WNK2: variants seen among roughly 807,000 people sequenced by gnomAD.
WNK2 encodes the protein serine/threonine-protein kinase WNK2.
A neutral mutation model predicts 192.1 loss-of-function variants in WNK2; 67 were observed. That is an observed-to-expected ratio of 0.35 (90% CI 0.29 to 0.43). The LOEUF is 0.43. Among genes scored for constraint, WNK2 ranks in the 20% least tolerant of loss-of-function variants. The probability of loss-of-function intolerance (pLI) is 1.00; values close to 1 mark genes in which losing one functional copy is unlikely to be tolerated. For synonymous variants in WNK2, 1,439 were observed against 1,393.9 expected (o/e 1.03, Z -0.72); for missense variants, 2,698 against 3,089.7 (o/e 0.87, Z 3.01).
At chr9:93,253,227 C>G in intron 9 of WNK2, 145 bp downstream of exon 9, 1 of 694,952 alleles carries the variant, frequency 1.4e-6, no homozygotes, top group Non-Finnish European at 2.0e-6. Context: ...AGTGTCCAGC[C>G]ACACTTCCCC....
At chr9:93,306,656 C>G (rs938421401) in intron 26 of WNK2, 121 bp from the exon 27 acceptor site, 142 of 1,293,444 alleles carry the variant, frequency 1.1e-4, no homozygotes, top group Non-Finnish European at 1.5e-4. Context: ...TCTCTCTGAA[C>G]TGCTGCCTGT....
Position 93,229,606 on chromosome 9 carries a change from C to A in WNK2, c.682-90C>A. 6.9e-7 allele frequency: 1 copy of A among 1,443,406 alleles called. No homozygotes were observed. The highest frequency in any genetic ancestry group is 1.4e-5 in the South Asian group (1 of 73,950). The allele number at this position is 1,443,406 out of a possible 1,614,324, so 89.4% of individuals were successfully genotyped here. ...GCCTGTGGGTATGGGAAGGGCTGGT[C>A]CTACTGTGTGGCGCTGCTGGGATGT... On this transcript the variant is annotated intron_variant, in intron 2 of 29. Transcript: ENST00000427277. The surrounding 1 kb of genome is among the most constrained non-coding windows in gnomAD (Gnocchi z 4.9).
rs181643374 is a variant in WNK2, at chr9:93,209,974, C to T, written c.682-19722C>T. On this transcript the variant is annotated intron_variant, in intron 2 of 29. Coordinates refer to ENST00000427277, the MANE Select transcript of WNK2 (RefSeq NM_006648.4). ...CACCAAGATCATGACCTCTCTGTGG[C>T]CTGGGAGAGATGGAAGATGCATTTC... Among the ~76,000 whole-genome samples the T allele has an allele frequency of 1.2e-4, 18 of 152,270 alleles. No individual in the cohort carries two copies. The East Asian group carries it at 3.5e-3, about 29-fold the overall frequency.
In WNK2 at chr9:93,268,616, C is replaced by T. The variant is rs1438612144; in HGVS notation, c.3914-11C>T. 6.2e-7 allele frequency: 1 copy of T among 1,607,734 alleles called. No homozygotes were observed. The highest frequency in any genetic ancestry group is 2.2e-5 in the East Asian group (1 of 44,506). The stretch of plus-strand genomic sequence containing the variant: ...ACTCACTCAGCGTGCTGTTTCTGTT[C>T]TGCCCTTCAGTCCTGCACACCGGGA... On this transcript the variant is annotated splice_polypyrimidine_tract_variant and intron_variant, in intron 18 of 29. Transcript: ENST00000427277.
intron 26 of WNK2, chr9:93,306,495 T>C (rs1852572623): frequency 4.5e-6 from 2 of 442,490 alleles, no homozygotes; most frequent in Non-Finnish European, 7.9e-6. Context: ...TTCTTTCTCT[T>C]TTACTTTTCT....
rs537811306 is a variant in WNK2, at chr9:93,289,096, C to T, written c.4342C>T (p.Pro1448Ser). Residue 1448 changes from proline (P) to serine (S), a missense_variant, in exon 20 of 30, where the codon CCC becomes TCC. Around this residue, in one of 7 missense-constraint regions of WNK2, gnomAD observed 1,098 missense variants for 1,101.0 expected, o/e 1.00. Transcript: ENST00000427277. ...ETHEAPLAVQ[P>S]LVVGLAPCTP... is the part of the protein sequence containing the mutation. ...TCACGAGGCCCCGCTTGCTGTGCAG[C>T]CCCTCGTGGTGGGCCTAGCACCTTG... The T allele has an allele frequency of 1.9e-6, 3 of 1,608,272 alleles. No individual in the cohort carries two copies. In the South Asian group the frequency reaches 3.3e-5, roughly 18 times the overall value.
At chr9:93,268,944 C>T (rs764220448) in intron 19 of WNK2, 198 bp downstream of exon 19, 1 of 1,552,246 alleles carries the variant, frequency 6.4e-7, no homozygotes, top group South Asian at 1.2e-5. Flanking sequence ...GTCAAAGCAG[C>T]CTCCAGGTTT....
At chr9:93,262,207 C>T in intron 13 of WNK2, 100 bp downstream of exon 13, 1 of 1,414,574 alleles carries the variant, frequency 7.1e-7, no homozygotes, top group Non-Finnish European at 9.4e-7. Context: ...GTCGGGGTTG[C>T]TTAGCTCTGG....
intron 14 of WNK2, chr9:93,263,272 G>A (rs1000748982): frequency 1.6e-5 from 8 of 505,454 alleles, no homozygotes; most frequent in African/African-American, 1.2e-4. Context: ...GCACAGATGG[G>A]GAAACTGAGG....
chr9:93,194,673 T>C (rs1830912881), intron 2 of WNK2, among the ~76,000 whole-genome samples: 1 of 152,228 alleles, frequency 6.6e-6, no homozygotes, highest in African/African-American at 2.4e-5. Context: ...AAACACACTC[T>C]TACTATGCAA....
At chr9:93,249,907 ATTT>A (rs58293954) in intron 8 of WNK2, among the ~76,000 whole-genome samples, 3 of 85,442 alleles carry the variant, frequency 3.5e-5, no homozygotes, top group South Asian at 5.1e-4. Context: ...GATGCTACCA[ATTT>A]TTTTTTTTTT....
Position 93,293,142 on chromosome 9 carries a change from A to T in WNK2, c.5677A>T (p.Ile1893Leu). Residue 1893 changes from isoleucine to leucine, a missense_variant, in exon 23 of 30, where the codon ATA (isoleucine) becomes TTA (leucine). Around this residue, in one of 7 missense-constraint regions of WNK2, gnomAD observed 1,098 missense variants for 1,101.0 expected, o/e 1.00. Transcript: ENST00000427277. ...TGATTCGGAGCTCGAGGATGCTGAC[A>T]TAAAGAAGGAGCTGCAGAGTCTGCG... ...DNDSELEDADIKKELQSLREK... is the reference protein window; with the variant it reads ...DNDSELEDADLKKELQSLREK... The T allele has an allele frequency of 1.9e-6, 3 of 1,561,714 alleles. No individual in the cohort carries two copies. Among genetic ancestry groups the T allele is most frequent in the Middle Eastern group, 3.4e-4 (2 of 5,858 alleles).
In WNK2 at chr9:93,290,006, G is replaced by A. The variant is rs370635742; in HGVS notation, c.4895G>A (p.Arg1632Gln). The A allele has an allele frequency of 1.5e-5, 23 of 1,578,318 alleles. No homozygotes were observed. Among genetic ancestry groups the A allele is most frequent in the Middle Eastern group, 1.7e-4 (1 of 5,870 alleles). The change falls in exon 21 of 30, where the codon CGA becomes CAA. Residue 1632 changes from arginine (R) to glutamine (Q), a missense_variant. By Grantham distance (43) the Arg-to-Gln change is conservative (BLOSUM62 1). Coordinates refer to ENST00000427277, the MANE Select transcript of WNK2 (RefSeq NM_006648.4). ...LVEKSELAPT[R>Q]GAVMEQGTSS... ...GAGAAGTCAGAACTGGCCCCCACTC[G>A]AGGGGCCGTGATGGAGCAGGGCACG... is the stretch of plus-strand genomic sequence containing the variant.
chr9:93,214,698 C>G (rs1490077093), intron 2 of WNK2, among the ~76,000 whole-genome samples: 572 of 13,434 alleles, frequency 0.043, 12 homozygotes, highest in African/African-American at 0.19. Flanking sequence ...GAAGGTAGTG[C>G]CCCCCCCCCC....
At chr9:93,268,875 T>A (rs1176842453) in intron 19 of WNK2, 129 bp downstream of exon 19, 1 of 1,573,078 alleles carries the variant, frequency 6.4e-7, no homozygotes, top group Admixed American at 1.8e-5. Context: ...CTGTCTCCCA[T>A]GGCGCAGAGC....
Position 93,256,343 on chromosome 9 carries a change from G to T in WNK2, c.2079G>T (p.Pro693=), listed in dbSNP as rs769408272. The change falls in exon 10 of 30, where the codon CCG becomes CCT. Residue 693 remains proline, a synonymous_variant. Coordinates refer to ENST00000427277, the MANE Select transcript of WNK2 (RefSeq NM_006648.4). ...VGSVPAPACP[P]SLQQHFPDPA... ...CTGTCCCGGCCCCCGCCTGCCCTCC[G>T]TCCCTCCAGCAGCACTTCCCGGATC... 6 of 1,584,150 alleles carry T rather than the reference G, an allele frequency of 3.8e-6. No homozygotes were observed. The highest frequency in any genetic ancestry group is 5.1e-6 in the Non-Finnish European group (6 of 1,171,754).
intron 2 of WNK2, among the ~76,000 whole-genome samples, chr9:93,190,117 CACCATGCTG>C (rs569158817): frequency 2.2e-3 from 329 of 152,344 alleles, no homozygotes; most frequent in Non-Finnish European, 3.4e-3. Context: ...ATGTTTTCTG[CACCATGCTG>C]ACCATGGTTT....
intron 11 of WNK2, 47 bp from the exon 12 acceptor site, chr9:93,258,884 G>T (rs374688061): frequency 6.5e-7 from 1 of 1,542,154 alleles, no homozygotes; most frequent in Non-Finnish European, 8.9e-7. Flanking sequence ...CTGTGGGCAG[G>T]GACCCTGGTT....
At position 93,262,655 on chromosome 9, in the gene WNK2, G is replaced by A. The variant is rs1260047502; in HGVS notation, c.3361-15G>A. ...CCGCATGACCTGTTCTCTTTTCTCC[G>A]GGTGTTTATTTCAGGAGCAGGCCTC... On this transcript the variant is annotated splice_polypyrimidine_tract_variant and intron_variant, in intron 13 of 29. Transcript: ENST00000427277. The A allele has an allele frequency of 1.9e-6, 3 of 1,612,508 alleles. No individual in the cohort carries two copies. The highest frequency in any genetic ancestry group is 2.5e-6 in the Non-Finnish European group (3 of 1,179,860).
Sources: allele counts gnomAD v4.1 joint callset (sites outside exome capture counted in the v4.1 genomes callset), GRCh38; gene constraint gnomAD v4.1.1; regional missense constraint gnomAD v4.1.1; non-coding constraint Gnocchi (gnomAD v3.1); transcripts MANE v1.5; gene names NCBI Gene and HGNC (gene_info 2026-07-23, HGNC 2026-07-21).